Variants in SPAG9 observed in about 807,000 individuals in gnomAD.
The protein encoded by SPAG9 is C-Jun-amino-terminal kinase-interacting protein 4.
Under a neutral mutation model 166.5 loss-of-function variants are expected in SPAG9, and 35 were observed. The observed-to-expected ratio is 0.21, with a 90% CI of 0.16 to 0.28. The LOEUF (loss-of-function observed/expected upper bound fraction) is 0.28, where lower values mean the gene tolerates loss of function less well. Among genes scored for constraint, SPAG9 ranks in the 10% least tolerant of loss-of-function variants. The probability of loss-of-function intolerance (pLI) is 1.00; values close to 1 mark genes in which losing one functional copy is unlikely to be tolerated. For missense variants in SPAG9, 1,235 were observed against 1,603.3 expected (o/e 0.77, Z 3.92); for synonymous variants, 534 against 565.5 (o/e 0.94, Z 0.79).
chr17:50,983,761 CTG>C (rs1429216843), intron 24 of SPAG9, among the ~76,000 whole-genome samples: 1 of 152,078 alleles, frequency 6.6e-6, no homozygotes, highest in African/African-American at 2.4e-5. Context: ...CCAAAATGCT[CTG>C]TGTTTCAGTT....
chr17:51,028,956 ATCTTTT>A (rs1368057743), intron 6 of SPAG9, among the ~76,000 whole-genome samples: 2 of 152,198 alleles, frequency 1.3e-5, no homozygotes, highest in African/African-American at 4.8e-5. Context: ...TCATTAAGAT[ATCTTTT>A]TCAATGGCAT....
chr17:50,998,743 A>G (rs1280187010), intron 14 of SPAG9, 126 bp from the exon 15 acceptor site: 1 of 875,976 alleles, frequency 1.1e-6, no homozygotes, highest in African/African-American at 1.7e-5. Flanking sequence ...GAAATTGGCA[A>G]AAACAGTTTT....
chr17:50,989,727 A>T lies in SPAG9; in HGVS notation c.2763T>A (p.Asp921Glu). 6.2e-7 allele frequency: 1 copy of T among 1,614,124 alleles called. No homozygotes were observed. ...TGVYTEHVFT[D>E]PLGVQIPEDL... ...CTTCTGGGATCTGAACTCCCAAAGGATCTGTAAAGACATGCTCTGTGTAGA... is the reference window on the plus strand; with the variant it reads ...CTTCTGGGATCTGAACTCCCAAAGGTTCTGTAAAGACATGCTCTGTGTAGA... Residue 921 changes from aspartate to glutamate, a missense_variant, in exon 21 of 30, where the codon GAT becomes GAA. By Grantham distance (45) the Asp-to-Glu change is conservative. Coordinates refer to ENST00000262013, the MANE Select transcript of SPAG9 (RefSeq NM_001130528.3).
Position 50,964,587 on chromosome 17 carries a change from C to A in SPAG9, c.*1685G>T, listed in dbSNP as rs866296673. On this transcript the variant is annotated 3_prime_UTR_variant, in exon 30 of 30. Transcript: ENST00000262013. ...TGGGCAACAGAGCCAGACTCCGTCT[C>A]AAAAAAAAAAAAAAAAATCATATTT... 1,727 of 176,890 alleles carry A rather than the reference C, an allele frequency of 9.8e-3. No homozygotes were observed. Among genetic ancestry groups the A allele is most frequent in the African/African-American group, 0.015 (442 of 30,318 alleles). 11.0% of individuals were successfully genotyped at this position (176,890 alleles called of 1,614,324 possible). A position where few individuals can be genotyped will look rare whatever the true frequency, so the allele number is the denominator to read the frequency against.
At chr17:51,083,409 A>G (rs1568071643) in intron 1 of SPAG9, among the ~76,000 whole-genome samples, 1 of 150,804 alleles carries the variant, frequency 6.6e-6, no homozygotes, top group African/African-American at 2.4e-5. Flanking sequence ...TAATTTTTGT[A>G]TATTTTTGGT....
intron 1 of SPAG9, among the ~76,000 whole-genome samples, chr17:51,098,507 T>C (rs1405179267): frequency 1.3e-5 from 2 of 152,024 alleles, no homozygotes; most frequent in African/African-American, 4.8e-5. Flanking sequence ...TATTTATTTA[T>C]TTGAGACGGA....
At chr17:50,985,926 G>C in intron 22 of SPAG9, 148 bp from the exon 23 acceptor site, 2 of 531,574 alleles carry the variant, frequency 3.8e-6, no homozygotes, top group South Asian at 5.2e-5. Flanking sequence ...GCAATGGTCA[G>C]AAAAGAAAAA....
intron 11 of SPAG9, among the ~76,000 whole-genome samples, chr17:51,005,766 G>A (rs370727467): frequency 4.1e-4 from 63 of 152,322 alleles, no homozygotes; most frequent in African/African-American, 1.5e-3. Context: ...CAAGAGAATC[G>A]CTTGAACTCG....
chr17:51,090,991 G>A (rs899850903), intron 1 of SPAG9, among the ~76,000 whole-genome samples: 1 of 152,140 alleles, frequency 6.6e-6, no homozygotes, highest in African/African-American at 2.4e-5. Flanking sequence ...CAGGCACGGT[G>A]GCTCATGCTT....
At chr17:50,989,914 T>C (rs771295512) in intron 20 of SPAG9, 42 bp from the exon 21 acceptor site, 1 of 1,557,166 alleles carries the variant, frequency 6.4e-7, no homozygotes, top group Non-Finnish European at 8.9e-7. Flanking sequence ...TGGGCTTTTC[T>C]CCTCCAATTA....
rs1409264120 is a variant in SPAG9, at chr17:50,974,924, C to G, written c.3547G>C (p.Gly1183Arg). Reference sequence around the variant, plus strand: ...CGGATTACACTTCCAGGACGATTTCCTGGTACACCTGAGGTTTTATTTGCT... The same window carrying G: ...CGGATTACACTTCCAGGACGATTTCGTGGTACACCTGAGGTTTTATTTGCT... ...TETNKTSGVPGNRPGSVIRVY... is the reference protein window; with the variant it reads ...TETNKTSGVPRNRPGSVIRVY... The change falls in exon 28 of 30, where the codon GGA becomes CGA. Residue 1183 changes from glycine (G) to arginine (R), a missense_variant. Physicochemically the swap from Gly to Arg is moderately radical, Grantham distance 125 (BLOSUM62 -2). This residue lies in a region of SPAG9 where 243 missense variants were observed against 358.6 expected (regional missense o/e 0.68). Coordinates refer to ENST00000262013, the MANE Select transcript of SPAG9 (RefSeq NM_001130528.3). 1 of 1,609,692 alleles carries G rather than the reference C, an allele frequency of 6.2e-7. No homozygotes were observed. The highest frequency in any genetic ancestry group is 1.7e-5 in the Admixed American group (1 of 58,498).
chr17:51,007,310 A>G lies in SPAG9; in HGVS notation c.1230T>C (p.Val410=), dbSNP rs749650447. The part of the protein sequence containing the change: ...GADLLGMGRE[V]ENLILENTQL... ...GTGTATTTTCTAATATAAGATTCTC[A>G]ACTTCCCGACCCATTCCTATCAAAC... is the stretch of plus-strand genomic sequence containing the variant. Residue 410 remains valine (V), a synonymous_variant, in exon 10 of 30, where the codon GTT becomes GTC. Coordinates refer to ENST00000262013, the MANE Select transcript of SPAG9 (RefSeq NM_001130528.3). 1.9e-6 allele frequency: 3 copies of G among 1,583,384 alleles called. No homozygotes were observed. In the African/African-American group the frequency reaches 4.1e-5, roughly 21 times the overall value.
At position 50,979,844 on chromosome 17, in the gene SPAG9, ACCCACACGCCATCC is replaced by A; in HGVS notation, c.3297_3310del (p.Asp1100LeufsTer25). ...GAGCGTAGAATCCAAGCGAATGGAGACCCACACGCCATCCCCCACCCACGCAAGCTGTCGCACTT... is the reference window on the plus strand; with the variant it reads ...GAGCGTAGAATCCAAGCGAATGGAGACCCACCCACGCAAGCTGTCGCACTT... On this transcript the variant is annotated frameshift_variant, in exon 26 of 30. Coordinates refer to ENST00000262013, the MANE Select transcript of SPAG9 (RefSeq NM_001130528.3). LOFTEE classifies it high-confidence loss of function. The A allele has an allele frequency of 6.2e-7, 1 of 1,614,112 alleles. No individual in the cohort carries two copies.
chr17:51,064,017 A>G (rs1416053830), intron 2 of SPAG9, among the ~76,000 whole-genome samples: 1 of 152,252 alleles, frequency 6.6e-6, no homozygotes, highest in Non-Finnish European at 1.5e-5. Flanking sequence ...GTTAAGTATT[A>G]TCCTCTAGCA....
intron 3 of SPAG9, among the ~76,000 whole-genome samples, chr17:51,053,657 C>T (rs759145781): frequency 1.4e-4 from 21 of 150,750 alleles, no homozygotes; most frequent in Non-Finnish European, 2.8e-4. Context: ...TGCACTCCAG[C>T]CTGGGTGACA....
chr17:51,112,971 G>GA (rs71355712), intron 1 of SPAG9, among the ~76,000 whole-genome samples: 36,382 of 92,816 alleles, frequency 0.39, 4,874 homozygotes, highest in Admixed American at 0.47. Flanking sequence ...CTAAAAAAAA[G>GA]AAAAAAAAAA....
intron 4 of SPAG9, chr17:51,046,999 A>C: frequency 7.8e-7 from 1 of 1,276,872 alleles, no homozygotes; most frequent in Non-Finnish European, 1.0e-6. Flanking sequence ...TACACCAAAC[A>C]GATGGCTAGC....
At chr17:50,995,005 A>G in intron 18 of SPAG9, 52 bp downstream of exon 18, 1 of 1,442,500 alleles carries the variant, frequency 6.9e-7, no homozygotes, top group Non-Finnish European at 9.4e-7. Flanking sequence ...TGGATGAAAG[A>G]GTTAAACTCA....
In SPAG9 at chr17:50,962,194, T is replaced by G. The variant is rs2143487637; in HGVS notation, c.*4078A>C. On this transcript the variant is annotated 3_prime_UTR_variant, in exon 30 of 30. Coordinates refer to ENST00000262013, the MANE Select transcript of SPAG9 (RefSeq NM_001130528.3). ...CCTCATACATGTTCATATACATATTTATATATATCTCATGTACAAAGTTAC... is the reference window on the plus strand; with the variant it reads ...CCTCATACATGTTCATATACATATTGATATATATCTCATGTACAAAGTTAC... 6.6e-6 allele frequency: 1 copy of G among 151,606 alleles called. No individual in the cohort carries two copies. Among genetic ancestry groups the G allele is most frequent in the South Asian group, 2.1e-4 (1 of 4,832 alleles). The allele number at this position is 151,606 out of a possible 1,614,324, so 9.4% of individuals were successfully genotyped here. A position where few individuals can be genotyped will look rare whatever the true frequency, so the allele number is the denominator to read the frequency against.
Sources: gnomAD v4.1 joint callset for allele counts (sites outside exome capture counted in the v4.1 genomes callset) on GRCh38, gnomAD v4.1.1 for gene constraint, gnomAD v4.1.1 regional missense constraint, MANE v1.5 for transcripts, NCBI Gene and HGNC (gene_info 2026-07-23, HGNC 2026-07-21) for gene names.